Variants in SGCZ observed in about 807,000 individuals in gnomAD.
SGCZ encodes the protein zeta-sarcoglycan.
SGCZ carries 40 observed loss-of-function variants against 41.3 expected under a neutral mutation model. That is an observed-to-expected ratio of 0.97 (90% confidence interval 0.75 to 1.26). The LOEUF (loss-of-function observed/expected upper bound fraction) is 1.26, where lower values mean the gene tolerates loss of function less well. SGCZ is among the 50% of genes most tolerant of loss of function. The probability of loss-of-function intolerance (pLI) is 0.00; values close to 1 mark genes in which losing one functional copy is unlikely to be tolerated. For missense variants in SGCZ, 552 were observed against 369.8 expected, an observed-to-expected ratio of 1.49 and a Z score of -4.04; for synonymous variants, 206 against 137.5, an observed-to-expected ratio of 1.50 and a Z score of -3.49.
At chr8:14,310,191 A>C (rs186385603) in intron 3 of SGCZ, among the ~76,000 whole-genome samples, 2 of 151,980 alleles carry the variant, frequency 1.3e-5, no homozygotes, top group Admixed American at 6.6e-5. Context: ...ATTTTAATTT[A>C]TTTGTTTCCC....
rs5889534 is a variant in SGCZ at position 14,455,455 on chromosome 8, TACACACACAC to T, written c.234+99267_234+99276del. Among the ~76,000 whole-genome samples the T allele has an allele frequency of 2.3e-3, 338 of 144,444 alleles. 2 individuals carry two copies. The highest frequency in any genetic ancestry group is 7.9e-3 in the African/African-American group (311 of 39,526). The allele number at this position is 144,444 out of a possible 152,430, so 94.8% of individuals were successfully genotyped here. On this transcript the variant is annotated intron_variant, in intron 2 of 7. Coordinates refer to ENST00000382080, the MANE Select transcript of SGCZ (RefSeq NM_139167.4). ...AGTGTTGAAGGGACATTTGCATGCA[TACACACACAC>T]ACACACACACACACACACACACACA...
At chr8:14,279,244 T>TA (rs1471570995) in intron 3 of SGCZ, among the ~76,000 whole-genome samples, 2 of 151,972 alleles carry the variant, frequency 1.3e-5, no homozygotes, top group African/African-American at 2.4e-5. Flanking sequence ...GAATTTAGAT[T>TA]AAAAAAATTC....
At chr8:14,419,279 C>G (rs915564489) in intron 2 of SGCZ, among the ~76,000 whole-genome samples, 1 of 151,900 alleles carries the variant, frequency 6.6e-6, no homozygotes, top group Non-Finnish European at 1.5e-5. Context: ...AAAAAATGTC[C>G]TAACAGCTAG....
At chr8:15,079,592 T>A (rs1234941876) in intron 1 of SGCZ, among the ~76,000 whole-genome samples, 1 of 152,240 alleles carries the variant, frequency 6.6e-6, no homozygotes, top group Non-Finnish European at 1.5e-5. Context: ...TCTCCCAATA[T>A]ATGTTTGGTG....
intron 2 of SGCZ, among the ~76,000 whole-genome samples, chr8:14,368,499 A>T (rs1585414079): frequency 6.6e-6 from 1 of 152,104 alleles, no homozygotes; most frequent in South Asian, 2.1e-4. Context: ...TTAGTCCTCC[A>T]TACTAAAACT....
chr8:14,224,776 T>C (rs1033919143), intron 4 of SGCZ, among the ~76,000 whole-genome samples: 2 of 152,176 alleles, frequency 1.3e-5, no homozygotes, highest in Non-Finnish European at 2.9e-5. Context: ...TATTCATCAT[T>C]AAATTACTTG....
At chr8:14,293,186 A>G (rs532237917) in intron 3 of SGCZ, among the ~76,000 whole-genome samples, 1 of 152,174 alleles carries the variant, frequency 6.6e-6, no homozygotes, top group East Asian at 1.9e-4. Flanking sequence ...TATGTGATAA[A>G]TCACAATTTA....
chr8:14,471,445 T>A (rs760146110), intron 2 of SGCZ, among the ~76,000 whole-genome samples: 3 of 152,014 alleles, frequency 2.0e-5, no homozygotes, highest in Non-Finnish European at 4.4e-5. Flanking sequence ...ATGATATATT[T>A]TATATATATA....
chr8:14,566,659 T>G (rs1804372956), intron 1 of SGCZ, among the ~76,000 whole-genome samples: 1 of 152,256 alleles, frequency 6.6e-6, no homozygotes, highest in Non-Finnish European at 1.5e-5. Context: ...GACAGCATGC[T>G]GGCAGCCCTC....
chr8:14,905,931 C>A (rs1563353377), intron 1 of SGCZ, among the ~76,000 whole-genome samples: 1 of 151,798 alleles, frequency 6.6e-6, no homozygotes, highest in Admixed American at 6.6e-5. Context: ...AGTACCTCTA[C>A]AAATAAAATA....
At chr8:14,687,436 T>C (rs1223567164) in intron 1 of SGCZ, among the ~76,000 whole-genome samples, 6 of 150,700 alleles carry the variant, frequency 4.0e-5, no homozygotes, top group Non-Finnish European at 5.9e-5. Flanking sequence ...TGAGTGAGAA[T>C]ATGCGGTGTT....
intron 1 of SGCZ, among the ~76,000 whole-genome samples, chr8:14,899,845 A>T (rs1488700749): frequency 6.6e-6 from 1 of 151,744 alleles, no homozygotes; most frequent in Non-Finnish European, 1.5e-5. Flanking sequence ...GAGAGGAAGG[A>T]AGAGGAGGAA....
intron 2 of SGCZ, among the ~76,000 whole-genome samples, chr8:14,540,474 C>T (rs1053303540): frequency 1.3e-5 from 2 of 151,464 alleles, no homozygotes; most frequent in African/African-American, 4.8e-5. Context: ...CATTATATCT[C>T]TATATCTTTC....
chr8:14,115,039 A>G (rs759448006), intron 5 of SGCZ, among the ~76,000 whole-genome samples: 1 of 151,968 alleles, frequency 6.6e-6, no homozygotes, highest in Non-Finnish European at 1.5e-5. Flanking sequence ...TCTAATTCCT[A>G]CCTCCAAAAA....
intron 5 of SGCZ, among the ~76,000 whole-genome samples, chr8:14,153,665 C>G (rs757965489): frequency 1.3e-5 from 2 of 152,128 alleles, no homozygotes; most frequent in Non-Finnish European, 2.9e-5. Flanking sequence ...AAACCCCCTA[C>G]CAAGCCAACT....
intron 1 of SGCZ, among the ~76,000 whole-genome samples, chr8:15,111,696 T>C (rs1019675224): frequency 2.6e-5 from 4 of 152,112 alleles, no homozygotes; most frequent in African/African-American, 7.2e-5. Flanking sequence ...GGTCAAGAGA[T>C]GGAGACCATC....
intron 2 of SGCZ, among the ~76,000 whole-genome samples, chr8:14,453,957 G>T (rs1993763): frequency 0.22 from 32,906 of 151,928 alleles, 4,254 homozygotes; most frequent in Non-Finnish European, 0.3. Flanking sequence ...TTCTTATATT[G>T]TACTTGGTTA....
chr8:14,619,814 T>A (rs1475559768), intron 1 of SGCZ, among the ~76,000 whole-genome samples: 1 of 152,148 alleles, frequency 6.6e-6, no homozygotes. Context: ...TGGAAACACA[T>A]TCCATGCTCA....
At position 14,597,116 on chromosome 8, in the gene SGCZ, A is replaced by G. The variant is rs569848081; in HGVS notation, c.40-42190T>C. ...AACTGCCATTCTTAGACATTCTTAG[A>G]TAGTTTCAACTATTGTTAGAATACG... On this transcript the variant is annotated intron_variant, in intron 1 of 7. Coordinates refer to ENST00000382080, the MANE Select transcript of SGCZ (RefSeq NM_139167.4). Among the ~76,000 whole-genome samples, 257 of 152,332 alleles carry G rather than the reference A, an allele frequency of 1.7e-3. 1 individual carries two copies. The highest frequency in any genetic ancestry group is 6.1e-3 in the African/African-American group (252 of 41,574).
Sources: allele counts gnomAD v4.1 joint callset (sites outside exome capture counted in the v4.1 genomes callset), GRCh38; gene constraint gnomAD v4.1.1; transcripts MANE v1.5; gene names NCBI Gene and HGNC (gene_info 2026-07-23, HGNC 2026-07-21).